The following ADARB2 variants were observed in gnomAD, a reference collection of about 807,000 sequenced individuals.
ADARB2 encodes inactive double-stranded RNA-specific editase B2.
A neutral mutation model predicts 62.2 loss-of-function variants in ADARB2; 25 were observed. That is an observed-to-expected ratio of 0.40 (90% CI 0.29 to 0.56). ADARB2 has a LOEUF of 0.56. Ranked by LOEUF, ADARB2 falls within the 20% of genes least tolerant of loss-of-function variation. The pLI is 0.43. For missense variants in ADARB2, 1,071 were observed against 1,077.4 expected, an observed-to-expected ratio of 0.99 and a Z score of 0.08; for synonymous variants, 572 against 500.8, an observed-to-expected ratio of 1.14 and a Z score of -1.90.
chr10:1,480,020 A>C (rs1831446947), intron 1 of ADARB2, among the ~76,000 whole-genome samples: 1 of 152,160 alleles, frequency 6.6e-6, no homozygotes, highest in Non-Finnish European at 1.5e-5. Flanking sequence ...CAAACTGGAA[A>C]TAGAAATAAA....
intron 3 of ADARB2, among the ~76,000 whole-genome samples, chr10:1,315,311 C>T (rs569379891): frequency 6.6e-6 from 1 of 152,336 alleles, no homozygotes; most frequent in East Asian, 1.9e-4. Context: ...CCAGCCAGCG[C>T]ACATGGCTTC....
intron 1 of ADARB2, among the ~76,000 whole-genome samples, chr10:1,470,804 T>C (rs967159760): frequency 6.6e-6 from 1 of 152,114 alleles, no homozygotes; most frequent in African/African-American, 2.4e-5. Context: ...TTTGGGAGGC[T>C]AATCCCAGCA....
At chr10:1,359,972 C>G (rs539631145) in intron 3 of ADARB2, among the ~76,000 whole-genome samples, 1 of 152,230 alleles carries the variant, frequency 6.6e-6, no homozygotes, top group East Asian at 1.9e-4. Context: ...GACTTCCCTC[C>G]GGGATGGTTC....
At chr10:1,603,140 CACACACACACCTGTACACACATTA>C (rs1305188200) in intron 1 of ADARB2, among the ~76,000 whole-genome samples, 1 of 85,680 alleles carries the variant, frequency 1.2e-5, no homozygotes, top group Non-Finnish European at 2.7e-5. Flanking sequence ...CACACATAAA[CACACACACACCTGTACACACATTA>C]ACACACACAC....
intron 3 of ADARB2, among the ~76,000 whole-genome samples, chr10:1,284,987 T>G (rs2804101): frequency 6.6e-6 from 1 of 151,926 alleles, no homozygotes; most frequent in South Asian, 2.1e-4. Flanking sequence ...GACAGGTGAG[T>G]GGCTGGGGAG....
intron 1 of ADARB2, among the ~76,000 whole-genome samples, chr10:1,697,877 TC>T (rs1289884906): frequency 6.6e-6 from 1 of 152,204 alleles, no homozygotes; most frequent in Non-Finnish European, 1.5e-5. Context: ...CGTGAATTCA[TC>T]CCTATTTGAA....
At chr10:1,366,323 G>A (rs1832313208) in intron 2 of ADARB2, among the ~76,000 whole-genome samples, 1 of 152,204 alleles carries the variant, frequency 6.6e-6, no homozygotes, top group Non-Finnish European at 1.5e-5. Context: ...CTGTTTTCTG[G>A]CAAAGCTGTT....
chr10:1,218,505 T>C lies in ADARB2; in HGVS notation c.1514-1386A>G, dbSNP rs1564224566. 2.0e-5 allele frequency among the ~76,000 whole-genome samples: 3 copies of C among 152,220 alleles called. No individual in the cohort carries two copies. In the East Asian group the frequency reaches 5.8e-4, roughly 29 times the overall value. On this transcript the variant is annotated intron_variant, in intron 6 of 9. Coordinates refer to ENST00000381312, the MANE Select transcript of ADARB2 (RefSeq NM_018702.4). ...AAATGCTTTCTTTAGAAAGTTCCTA[T>C]TGAAGTTTTAGAAGCTGTGGAAATG...
At chr10:1,449,046 C>A (rs1024828162) in intron 1 of ADARB2, among the ~76,000 whole-genome samples, 1 of 152,180 alleles carries the variant, frequency 6.6e-6, no homozygotes, top group African/African-American at 2.4e-5. Flanking sequence ...TTGTGTCCTG[C>A]ACACCGGGAT....
At chr10:1,736,511 C>G (rs1835301887) in intron 1 of ADARB2, among the ~76,000 whole-genome samples, 1 of 152,226 alleles carries the variant, frequency 6.6e-6, no homozygotes, top group Non-Finnish European at 1.5e-5. Flanking sequence ...AAGGACGAGC[C>G]CTGTGTTCTC....
intron 1 of ADARB2, among the ~76,000 whole-genome samples, chr10:1,505,189 C>T (rs925361410): frequency 8.6e-5 from 13 of 151,712 alleles, no homozygotes; most frequent in Admixed American, 2.0e-4. Flanking sequence ...ACACAGGCAC[C>T]GACACACACA....
chr10:1,278,394 C>T (rs1831339440), intron 3 of ADARB2, among the ~76,000 whole-genome samples: 1 of 151,708 alleles, frequency 6.6e-6, no homozygotes, highest in South Asian at 2.1e-4. Flanking sequence ...GTAGTGAGCA[C>T]AGTACTTGGT....
intron 3 of ADARB2, among the ~76,000 whole-genome samples, chr10:1,325,344 C>T (rs140504462): frequency 5.1e-4 from 77 of 152,292 alleles, no homozygotes; most frequent in African/African-American, 1.8e-3. Context: ...TGCTTCCGCT[C>T]CTGCACCCCA....
intron 8 of ADARB2, chr10:1,186,539 C>T (rs1465207677): frequency 3.9e-6 from 2 of 518,950 alleles, no homozygotes; most frequent in Non-Finnish European, 7.7e-6. Flanking sequence ...CCGGGTGTCT[C>T]CCTCTCATTC....
At chr10:1,251,785 A>C (rs1209689134) in intron 4 of ADARB2, among the ~76,000 whole-genome samples, 1 of 152,184 alleles carries the variant, frequency 6.6e-6, no homozygotes, top group Non-Finnish European at 1.5e-5. Flanking sequence ...TAATACCCCT[A>C]TAAAAGAGAC....
intron 1 of ADARB2, among the ~76,000 whole-genome samples, chr10:1,567,683 C>T (rs566463439): frequency 5.2e-4 from 79 of 152,334 alleles, no homozygotes; most frequent in Non-Finnish European, 1.0e-3. Flanking sequence ...CTGCTGACTT[C>T]GAGGCTGCTG....
intron 1 of ADARB2, among the ~76,000 whole-genome samples, chr10:1,725,213 G>A (rs1835148297): frequency 6.6e-6 from 1 of 152,144 alleles, no homozygotes. Flanking sequence ...CCAATCTCAT[G>A]AATTTTTAGT....
intron 4 of ADARB2, among the ~76,000 whole-genome samples, chr10:1,251,390 T>C (rs904850467): frequency 6.6e-6 from 1 of 152,126 alleles, no homozygotes; most frequent in African/African-American, 2.4e-5. Flanking sequence ...TATGGAGATA[T>C]GTAAAAAGGT....
At chr10:1,686,003 T>C (rs1834592992) in intron 1 of ADARB2, among the ~76,000 whole-genome samples, 1 of 152,248 alleles carries the variant, frequency 6.6e-6, no homozygotes, top group Admixed American at 6.5e-5. Flanking sequence ...CTTCCCGGAC[T>C]GGCTTCTGTT....
Sources: allele counts gnomAD v4.1 joint callset (sites outside exome capture counted in the v4.1 genomes callset), GRCh38; gene constraint gnomAD v4.1.1; transcripts MANE v1.5; gene names NCBI Gene and HGNC (gene_info 2026-07-23, HGNC 2026-07-21).